Variants in ALDH1L1 observed in about 807,000 individuals in gnomAD.
ALDH1L1 encodes the protein aldehyde dehydrogenase 1 family member L1.
A neutral mutation model predicts 101.1 loss-of-function variants in ALDH1L1; 68 were observed. The ratio of observed to expected loss-of-function variants is 0.67; its 90% confidence interval spans 0.55 to 0.82. The LOEUF is 0.82. ALDH1L1 is among the 40% of genes least tolerant of loss of function. ALDH1L1 has a pLI of 0.00. For missense variants in ALDH1L1, 1,087 were observed against 1,172.7 expected, an observed-to-expected ratio of 0.93 and a Z score of 1.07; for synonymous variants, 486 against 470.8, an observed-to-expected ratio of 1.03 and a Z score of -0.42.
intron 1 of ALDH1L1, among the ~76,000 whole-genome samples, chr3:126,188,415 C>G (rs2081533573): frequency 6.6e-6 from 1 of 152,184 alleles, no homozygotes; most frequent in Non-Finnish European, 1.5e-5. Context: ...GAACCAATGC[C>G]TTGCAGATAC....
intron 11 of ALDH1L1, 115 bp downstream of exon 11, chr3:126,136,649 G>T: frequency 6.9e-7 from 1 of 1,457,986 alleles, no homozygotes. Flanking sequence ...CCTCTCAAAG[G>T]CACATGTCCA....
chr3:126,139,394 C>G (rs144330929), intron 9 of ALDH1L1, among the ~76,000 whole-genome samples: 1 of 152,112 alleles, frequency 6.6e-6, no homozygotes, highest in East Asian at 1.9e-4. Context: ...TTCTAGCCCT[C>G]AACAAGGAAG....
chr3:126,194,752 G>C (rs2081572283), intron 1 of ALDH1L1, among the ~76,000 whole-genome samples: 1 of 151,816 alleles, frequency 6.6e-6, no homozygotes, highest in South Asian at 2.1e-4. Flanking sequence ...TCTAAACTAG[G>C]CAAAAATTTA....
At chr3:126,129,982 G>C in intron 14 of ALDH1L1, 1 of 352,122 alleles carries the variant, frequency 2.8e-6, no homozygotes, top group Non-Finnish European at 5.1e-6. Flanking sequence ...GACATTTTTT[G>C]GGTTTACTCT....
At chr3:126,148,518 A>T (rs932305600) in intron 8 of ALDH1L1, among the ~76,000 whole-genome samples, 4 of 151,998 alleles carry the variant, frequency 2.6e-5, no homozygotes, top group Non-Finnish European at 5.9e-5. Context: ...CGGTCTCCAG[A>T]CCATACATCC....
At chr3:126,181,982 G>A (rs989164863), upstream of ALDH1L1, among the ~76,000 whole-genome samples, 4 of 152,094 alleles carry the variant, frequency 2.6e-5, no homozygotes, top group East Asian at 3.9e-4. Flanking sequence ...TCCATGTGCC[G>A]TTCATCTTTG....
In ALDH1L1 at chr3:126,112,077, G is replaced by A. The variant is rs577322694; in HGVS notation, c.2181+705C>T. On this transcript the variant is annotated intron_variant, in intron 19 of 22. Transcript: ENST00000393434. ...TTGGAGAGGATGAAGCCAACCCGCT[G>A]AGGAACTGAGAAGCCAGGCATTACA... Among the ~76,000 whole-genome samples the A allele has an allele frequency of 2.0e-5, 3 of 151,802 alleles. No individual in the cohort carries two copies. The East Asian group carries it at 5.8e-4, about 29-fold the overall frequency.
At chr3:126,135,761 C>T (rs955056262) in intron 11 of ALDH1L1, 99 bp from the exon 12 acceptor site, 67 of 1,369,968 alleles carry the variant, frequency 4.9e-5, no homozygotes, top group Admixed American at 1.4e-4. Context: ...CCCAGTGAGG[C>T]GGCCCCTGTC....
At chr3:126,107,114 C>A in intron 21 of ALDH1L1, 27 bp downstream of exon 21, 1 of 1,595,514 alleles carries the variant, frequency 6.3e-7, no homozygotes. Context: ...GAGTCAGGGC[C>A]CTTGAGACAT....
intron 16 of ALDH1L1, among the ~76,000 whole-genome samples, chr3:126,122,666 T>C (rs1274396721): frequency 6.6e-6 from 1 of 152,214 alleles, no homozygotes; most frequent in Non-Finnish European, 1.5e-5. Context: ...AAATACATGA[T>C]CCTAGCACAA....
intron 6 of ALDH1L1, among the ~76,000 whole-genome samples, chr3:126,154,287 T>G (rs552034326): frequency 2.0e-5 from 3 of 152,132 alleles, no homozygotes; most frequent in African/African-American, 7.2e-5. Flanking sequence ...CTCAAAATAT[T>G]TCACCACCAA....
chr3:126,137,761 C>A lies in ALDH1L1; in HGVS notation c.1224+52G>T, dbSNP rs2080478692. The stretch of plus-strand genomic sequence containing the variant: ...CTCTTGTCTTATGTAGTCATAGATG[C>A]AGCTGCCTGAGGGCTCTGCAGGGCC... On this transcript the variant is annotated intron_variant, in intron 10 of 22. Transcript: ENST00000393434. 1.3e-5 allele frequency: 21 copies of A among 1,587,258 alleles called. 1 individual carries two copies. In the South Asian group the frequency reaches 2.3e-4, roughly 18 times the overall value.
At chr3:126,152,776 C>G (rs1276931843) in intron 7 of ALDH1L1, 1 of 158,622 alleles carries the variant, frequency 6.3e-6, no homozygotes, top group Non-Finnish European at 1.4e-5. Flanking sequence ...GAGTCTGAAT[C>G]CCAGCTCTGC....
intron 22 of ALDH1L1, chr3:126,104,474 T>A (rs1268122864): frequency 6.5e-6 from 1 of 154,226 alleles, no homozygotes; most frequent in Non-Finnish European, 1.4e-5. Flanking sequence ...CAGCAGGACA[T>A]GGGGACTAGG....
intron 9 of ALDH1L1, among the ~76,000 whole-genome samples, chr3:126,145,558 T>G (rs538756917): frequency 1.2e-3 from 186 of 152,334 alleles, no homozygotes; most frequent in Non-Finnish European, 2.3e-3. Flanking sequence ...GAGGACATCA[T>G]GCTAAGCGTA....
chr3:126,103,865 G>A lies in ALDH1L1; in HGVS notation c.2654-19C>T. 1 of 1,611,922 alleles carries A rather than the reference G, an allele frequency of 6.2e-7. No homozygotes were observed. Among genetic ancestry groups the A allele is most frequent in the Non-Finnish European group, 8.5e-7 (1 of 1,179,084 alleles). Reference sequence around the variant, plus strand: ...GCCTCTCCTGTAAGACACCACAAAGGTCACAGCAGCTCCCACCACAGGCAG... The same window carrying A: ...GCCTCTCCTGTAAGACACCACAAAGATCACAGCAGCTCCCACCACAGGCAG... On this transcript the variant is annotated intron_variant, in intron 22 of 22. Coordinates refer to ENST00000393434, the MANE Select transcript of ALDH1L1 (RefSeq NM_012190.4).
chr3:126,125,482 G>T, intron 15 of ALDH1L1, 134 bp downstream of exon 15: 1 of 573,096 alleles, frequency 1.7e-6, no homozygotes, highest in Non-Finnish European at 2.7e-6. Flanking sequence ...CCCATGGAGG[G>T]CAGCTGGCAT....
At chr3:126,186,493 ACCTGACCCTGACCCTGACCCTGAC>A (rs67057679), upstream of ALDH1L1, among the ~76,000 whole-genome samples, 1 of 151,660 alleles carries the variant, frequency 6.6e-6, no homozygotes, top group Non-Finnish European at 1.5e-5. Flanking sequence ...CTGACCCTGA[ACCTGACCCTGACCCTGACCCTGAC>A]CCTGAGCCTG....
chr3:126,170,925 C>T (rs898770224), intron 1 of ALDH1L1, among the ~76,000 whole-genome samples: 5 of 152,264 alleles, frequency 3.3e-5, no homozygotes, highest in South Asian at 2.1e-4. Context: ...ATACGATGGG[C>T]CCCAGTAAAA....
Sources: allele counts gnomAD v4.1 joint callset (sites outside exome capture counted in the v4.1 genomes callset), GRCh38; gene constraint gnomAD v4.1.1; transcripts MANE v1.5; gene names NCBI Gene and HGNC (gene_info 2026-07-23, HGNC 2026-07-21).